Variants in ELP4 observed in about 807,000 individuals in gnomAD.
The protein encoded by ELP4 is elongator acetyltransferase complex subunit 4.
ELP4 carries 51 observed loss-of-function variants against 48.9 expected under a neutral mutation model. The ratio of observed to expected loss-of-function variants is 1.04; its 90% CI spans 0.83 to 1.32. The LOEUF is 1.32. Among genes scored for constraint, ELP4 ranks in the 40% most tolerant of loss-of-function variants. The pLI, the probability that ELP4 is intolerant of heterozygous loss-of-function variation, is 0.00. For missense variants in ELP4, 519 were observed against 514.6 expected (o/e 1.01, Z -0.08); for synonymous variants, 210 against 189.2 (o/e 1.11, Z -0.90).
At chr11:31,605,880 G>A (rs557174401) in intron 5 of ELP4, among the ~76,000 whole-genome samples, 95 of 151,896 alleles carry the variant, frequency 6.3e-4, no homozygotes, top group African/African-American at 2.2e-3. Context: ...TCCTACTGTT[G>A]CAGGCTGTCA....
chr11:31,577,078 G>C (rs1040375221), intron 3 of ELP4, among the ~76,000 whole-genome samples: 4 of 151,968 alleles, frequency 2.6e-5, no homozygotes, highest in Non-Finnish European at 4.4e-5. Context: ...GAATCAAATA[G>C]ACACAATAAA....
chr11:31,639,995 T>C (rs1191070525), intron 7 of ELP4, among the ~76,000 whole-genome samples: 1 of 151,888 alleles, frequency 6.6e-6, no homozygotes, highest in Non-Finnish European at 1.5e-5. Context: ...GGTATGGAGA[T>C]TGAGTCATCT....
chr11:31,678,333 C>T (rs1042851741), intron 9 of ELP4, among the ~76,000 whole-genome samples: 1 of 152,028 alleles, frequency 6.6e-6, no homozygotes, highest in Non-Finnish European at 1.5e-5. Context: ...GCTGTGGTCC[C>T]AGCTACTCAG....
chr11:31,560,161 G>A (rs1377238933), intron 3 of ELP4, among the ~76,000 whole-genome samples: 1 of 152,004 alleles, frequency 6.6e-6, no homozygotes, highest in Non-Finnish European at 1.5e-5. Flanking sequence ...TAACTGATCT[G>A]GACCCCTTAA....
At position 31,576,454 on chromosome 11, in the gene ELP4, A is replaced by G. The variant is rs560811730; in HGVS notation, c.382-18316A>G. On this transcript the variant is annotated intron_variant, in intron 3 of 9. Transcript: ENST00000640961. ...CACCAGGCAGACCTAATAGACATCT[A>G]CAGAACTCTCCACCCCAAATCAACA... Among the ~76,000 whole-genome samples the G allele has an allele frequency of 3.9e-5, 6 of 152,340 alleles. No homozygotes were observed. The South Asian group carries it at 8.3e-4, about 21-fold the overall frequency.
chr11:31,730,567 T>A (rs1947165414), intron 9 of ELP4, among the ~76,000 whole-genome samples: 1 of 152,130 alleles, frequency 6.6e-6, no homozygotes, highest in Non-Finnish European at 1.5e-5. Flanking sequence ...CATTCTGACT[T>A]CTGAGGGGAG....
At chr11:31,530,544 A>G (rs1956378184) in intron 2 of ELP4, among the ~76,000 whole-genome samples, 1 of 152,190 alleles carries the variant, frequency 6.6e-6, no homozygotes. Flanking sequence ...TTAGACAATT[A>G]TAAAATAATT....
At chr11:31,596,835 A>AT (rs887032296) in intron 4 of ELP4, among the ~76,000 whole-genome samples, 6 of 151,964 alleles carry the variant, frequency 3.9e-5, no homozygotes, top group East Asian at 1.9e-4. Context: ...TCTACAACTG[A>AT]TTTTTTTTAA....
At chr11:31,676,453 A>T (rs900648732) in intron 9 of ELP4, among the ~76,000 whole-genome samples, 2 of 152,108 alleles carry the variant, frequency 1.3e-5, no homozygotes, top group Non-Finnish European at 2.9e-5. Flanking sequence ...CTGTACTAGG[A>T]TGTAGGTTTC....
chr11:31,714,780 G>A (rs757915244), intron 9 of ELP4: 1 of 398,412 alleles, frequency 2.5e-6, no homozygotes, highest in Non-Finnish European at 4.4e-6. Context: ...GCAACATTGG[G>A]TTTGAGTCCT....
chr11:31,742,664 A>G lies in ELP4; in HGVS notation c.1144-40729A>G, dbSNP rs527329816. Among the ~76,000 whole-genome samples, 50 of 152,318 alleles carry G rather than the reference A, an allele frequency of 3.3e-4. 1 individual carries two copies. Among genetic ancestry groups the G allele is most frequent in the African/African-American group, 1.1e-3 (45 of 41,568 alleles). The stretch of plus-strand genomic sequence containing the variant: ...CCAGCTAAACTAAGCTTCATAAGTG[A>G]AGGAGAAATAAAATACTTTACAAAC... On this transcript the variant is annotated intron_variant, in intron 9 of 9. Coordinates refer to ENST00000640961, the MANE Select transcript of ELP4 (RefSeq NM_019040.5).
Position 31,733,166 on chromosome 11 carries a change from A to G in ELP4, c.1144-50227A>G, listed in dbSNP as rs553057525. ...AACAGATCACAAGTTAGGTCACAAA[A>G]TAAGTCTTAACAAATTTAAGAAGAT... On this transcript the variant is annotated intron_variant, in intron 9 of 9. Transcript: ENST00000640961. Among the ~76,000 whole-genome samples, 6 of 152,268 alleles carry G rather than the reference A, an allele frequency of 3.9e-5. No homozygotes were observed. The East Asian group carries it at 1.2e-3, about 29-fold the overall frequency.
At chr11:31,551,776 G>T (rs1956856984) in intron 3 of ELP4, among the ~76,000 whole-genome samples, 1 of 151,986 alleles carries the variant, frequency 6.6e-6, no homozygotes, top group Admixed American at 6.6e-5. Context: ...GTACAATTCT[G>T]CTGTTTTTTA....
chr11:31,782,570 A>C (rs552374752), intron 9 of ELP4, among the ~76,000 whole-genome samples: 74 of 152,366 alleles, frequency 4.9e-4, no homozygotes, highest in Non-Finnish European at 8.7e-4. Flanking sequence ...AAAACAGAAA[A>C]ATGTTATTTT....
intron 5 of ELP4, among the ~76,000 whole-genome samples, chr11:31,623,390 T>TATATATATATATATATATA (rs67986763): frequency 4.3e-5 from 4 of 92,606 alleles, no homozygotes; most frequent in Non-Finnish European, 6.8e-5. Flanking sequence ...TATATATATA[T>TATATATATATATATATATA]AAAACTAGAA....
intron 7 of ELP4, among the ~76,000 whole-genome samples, chr11:31,645,502 A>G (rs1001351184): frequency 6.6e-6 from 1 of 151,782 alleles, no homozygotes; most frequent in African/African-American, 2.4e-5. Context: ...TCTCATCTTT[A>G]AACCTTGCAA....
At chr11:31,736,852 CT>C (rs1392800068) in intron 9 of ELP4, among the ~76,000 whole-genome samples, 1 of 152,312 alleles carries the variant, frequency 6.6e-6, no homozygotes, top group East Asian at 1.9e-4. Context: ...AATAGGAATA[CT>C]TTTACACTGT....
intron 5 of ELP4, among the ~76,000 whole-genome samples, chr11:31,604,790 A>T (rs997484277): frequency 5.3e-5 from 8 of 151,998 alleles, no homozygotes; most frequent in Non-Finnish European, 1.0e-4. Context: ...GTTTCCAAAA[A>T]TGTTCACTTT....
intron 5 of ELP4, among the ~76,000 whole-genome samples, chr11:31,610,936 T>C (rs536715804): frequency 1.8e-4 from 27 of 152,282 alleles, no homozygotes; most frequent in African/African-American, 6.5e-4. Flanking sequence ...CCCTTGACTC[T>C]TCTCTCTCTC....
Sources: gnomAD v4.1 joint callset for allele counts (sites outside exome capture counted in the v4.1 genomes callset) on GRCh38, gnomAD v4.1.1 for gene constraint, MANE v1.5 for transcripts, NCBI Gene and HGNC (gene_info 2026-07-23, HGNC 2026-07-21) for gene names.